Variants in LRRC37A2 observed in about 807,000 individuals in gnomAD.
The protein encoded by LRRC37A2 is leucine rich repeat containing 37 member A2.
A neutral mutation model predicts 68.8 loss-of-function variants in LRRC37A2; 9 were observed. That is an observed-to-expected ratio of 0.13 (90% CI 0.08 to 0.23). LRRC37A2 has a LOEUF of 0.23. LRRC37A2 is among the 10% of genes least tolerant of loss of function. The probability of loss-of-function intolerance (pLI) is 1.00; values close to 1 mark genes in which losing one functional copy is unlikely to be tolerated. For synonymous variants in LRRC37A2, 63 were observed against 367.6 expected (o/e 0.17, Z 9.48); for missense variants, 168 against 950.4 (o/e 0.18, Z 10.82).
chr17:46,735,177 T>C, the LRRC37A2 span, among the ~76,000 whole-genome samples: 1 of 152,228 alleles, frequency 6.6e-6, no homozygotes, highest in Admixed American at 6.5e-5. Flanking sequence ...ACATCTATAG[T>C]AGATATTAAT....
the LRRC37A2 span, among the ~76,000 whole-genome samples, chr17:46,840,000 C>CTTCTTTCT: frequency 4.8e-3 from 596 of 125,080 alleles, 16 homozygotes; most frequent in African/African-American, 0.018. Context: ...TTTTTTCTTT[C>CTTCTTTCT]TTCTTTCTTT....
chr17:46,951,070 T>A, the LRRC37A2 span, among the ~76,000 whole-genome samples: 1 of 152,140 alleles, frequency 6.6e-6, no homozygotes, highest in African/African-American at 2.4e-5. Flanking sequence ...CAGGCACAGC[T>A]AAGTCAGGGT....
At chr17:46,868,206 A>G in the LRRC37A2 span, among the ~76,000 whole-genome samples, 13 of 152,126 alleles carry the variant, frequency 8.5e-5, no homozygotes, top group African/African-American at 3.1e-4. Context: ...TTGGCAAACA[A>G]CCCTTCCTCT....
At chr17:46,535,018 G>A (rs1271454715) in intron 6 of LRRC37A2, among the ~76,000 whole-genome samples, 18 of 150,002 alleles carry the variant, frequency 1.2e-4, no homozygotes, top group Admixed American at 6.6e-4. Context: ...GGTCGCGGCC[G>A]GGCAGAGGCG....
At chr17:46,657,460 T>G in the LRRC37A2 span, among the ~76,000 whole-genome samples, 5 of 151,676 alleles carry the variant, frequency 3.3e-5, no homozygotes, top group Middle Eastern at 3.4e-3. Context: ...GGTCTTAGTT[T>G]CCTCATTATA....
At chr17:46,491,279 A>T in the LRRC37A2 span, among the ~76,000 whole-genome samples, 1 of 150,650 alleles carries the variant, frequency 6.6e-6, no homozygotes, top group Non-Finnish European at 1.5e-5. Context: ...ATGATATCTT[A>T]TTTAATCTTT....
chr17:46,785,140 G>T, the LRRC37A2 span, among the ~76,000 whole-genome samples: 1 of 152,160 alleles, frequency 6.6e-6, no homozygotes, highest in Admixed American at 6.5e-5. Context: ...TTCCCTTGGG[G>T]ACCCCTCTCT....
At chr17:46,815,414 C>A in the LRRC37A2 span, among the ~76,000 whole-genome samples, 1 of 152,096 alleles carries the variant, frequency 6.6e-6, no homozygotes, top group Admixed American at 6.5e-5. Flanking sequence ...CTTGAGGGTC[C>A]GCGTGGACAG....
chr17:46,982,530 T>G, the LRRC37A2 span, among the ~76,000 whole-genome samples: 319 of 152,312 alleles, frequency 2.1e-3, 1 homozygote, highest in African/African-American at 7.4e-3. Flanking sequence ...TGCTGGACTG[T>G]CCCCTTGACA....
chr17:46,533,243 C>A (rs1339914616), intron 6 of LRRC37A2, among the ~76,000 whole-genome samples: 2 of 98,240 alleles, frequency 2.0e-5, no homozygotes, highest in African/African-American at 5.2e-5. Flanking sequence ...CATAGTGAGA[C>A]CCTATCTCTA....
the LRRC37A2 span, among the ~76,000 whole-genome samples, chr17:46,894,123 A>C: frequency 6.6e-6 from 1 of 152,216 alleles, no homozygotes; most frequent in African/African-American, 2.4e-5. Context: ...AAACACCTCG[A>C]ACATACAAAA....
rs1310377980 is a variant in LRRC37A2 at position 46,530,388 on chromosome 17, C to T, written c.2906+6504C>T. On this transcript the variant is annotated intron_variant, in intron 6 of 14. Transcript: ENST00000576629. ...GCACTCACATTCTTTCTCTTTGTAA[C>T]ATCATCTTATTGAATATTAGTGTTA... Among the ~76,000 whole-genome samples the T allele has an allele frequency of 2.8e-4, 40 of 144,934 alleles. No individual in the cohort carries two copies. The South Asian group carries it at 8.6e-3, about 31-fold the overall frequency.
the LRRC37A2 span, chr17:46,935,867 T>C: frequency 1.0e-6 from 1 of 985,994 alleles, no homozygotes; most frequent in Non-Finnish European, 1.2e-6. Flanking sequence ...TCAACCCTGA[T>C]GGATAATAGG....
chr17:46,857,235 G>A, the LRRC37A2 span, among the ~76,000 whole-genome samples: 13 of 152,218 alleles, frequency 8.5e-5, no homozygotes, highest in South Asian at 8.3e-4. Context: ...TTGGGAGGCC[G>A]AGACGGGCAG....
chr17:46,750,292 G>A, the LRRC37A2 span, among the ~76,000 whole-genome samples: 1 of 152,216 alleles, frequency 6.6e-6, no homozygotes, highest in Admixed American at 6.5e-5. Context: ...GGCGGAGGTT[G>A]CAGTGAGCCA....
At chr17:46,878,019 G>T in the LRRC37A2 span, among the ~76,000 whole-genome samples, 1 of 152,220 alleles carries the variant, frequency 6.6e-6, no homozygotes, top group East Asian at 1.9e-4. Flanking sequence ...AGGAGAGACT[G>T]GTACCTCCAC....
the LRRC37A2 span, among the ~76,000 whole-genome samples, chr17:46,971,511 C>T: frequency 2.0e-5 from 3 of 152,128 alleles, no homozygotes; most frequent in South Asian, 4.1e-4. Flanking sequence ...TAACTATATC[C>T]TTTGCTGACC....
At chr17:46,852,217 C>T in the LRRC37A2 span, among the ~76,000 whole-genome samples, 4 of 152,224 alleles carry the variant, frequency 2.6e-5, no homozygotes, top group Admixed American at 1.3e-4. Context: ...GGGCTGTTCC[C>T]GGTCTCGGGG....
At chr17:46,918,446 C>G in the LRRC37A2 span, among the ~76,000 whole-genome samples, 1 of 152,170 alleles carries the variant, frequency 6.6e-6, no homozygotes, top group African/African-American at 2.4e-5. Flanking sequence ...TGGGGCTCCA[C>G]AAAACCTAGA....
Sources: allele counts gnomAD v4.1 joint callset (sites outside exome capture counted in the v4.1 genomes callset), GRCh38; gene constraint gnomAD v4.1.1; transcripts MANE v1.5; gene names NCBI Gene and HGNC (gene_info 2026-07-23, HGNC 2026-07-21).